The following RTN4 variants were observed in gnomAD, a reference collection of about 807,000 sequenced individuals.
RTN4 encodes reticulon-4.
A neutral mutation model predicts 90.4 loss-of-function variants in RTN4; 32 were observed. That is an observed-to-expected ratio of 0.35 (90% CI 0.27 to 0.48). The LOEUF is 0.48. RTN4 is among the 20% of genes least tolerant of loss of function. RTN4 has a pLI of 0.99. For synonymous variants in RTN4, 629 were observed against 552.5 expected (o/e 1.14, Z -1.94); for missense variants, 1,706 against 1,430.2 (o/e 1.19, Z -3.11).
At position 55,059,303 on chromosome 2, in the gene RTN4, C is replaced by G. The variant is rs571127086; in HGVS notation, c.-63+21186G>C. On this transcript the variant is annotated intron_variant, in intron 2 of 3. Transcript: ENST00000427710. ...CCAAGGACAAAATCTATGATTTAGACTTAATTGTTTTTTTTTTTTAATATA... is the reference window on the plus strand; with the variant it reads ...CCAAGGACAAAATCTATGATTTAGAGTTAATTGTTTTTTTTTTTTAATATA... Among the ~76,000 whole-genome samples, 479 of 49,906 alleles carry G rather than the reference C, an allele frequency of 9.6e-3. 1 individual carries two copies. Among genetic ancestry groups the G allele is most frequent in the Admixed American group, 0.018 (61 of 3,320 alleles). 32.7% of individuals were successfully genotyped at this position (49,906 alleles called of 152,430 possible). A position where few individuals can be genotyped will look rare whatever the true frequency, so the allele number is the denominator to read the frequency against.
At chr2:55,032,556 A>C (rs758669354) in intron 1 of RTN4, among the ~76,000 whole-genome samples, 6 of 152,204 alleles carry the variant, frequency 3.9e-5, no homozygotes, top group Non-Finnish European at 5.9e-5. Context: ...ATGAGCTTAA[A>C]GGCAGATTAG....
At chr2:55,032,580 A>C (rs1448922639) in intron 1 of RTN4, among the ~76,000 whole-genome samples, 2 of 152,224 alleles carry the variant, frequency 1.3e-5, no homozygotes, top group Non-Finnish European at 2.9e-5. Flanking sequence ...ATACAGAAAA[A>C]AAGATTTATT....
intron 1 of RTN4, among the ~76,000 whole-genome samples, chr2:55,092,668 A>G (rs375320270): frequency 5.9e-5 from 9 of 152,290 alleles, no homozygotes; most frequent in African/African-American, 9.6e-5. Flanking sequence ...GCCACACCCA[A>G]TTGTGGCACC....
chr2:55,107,301 G>A (rs1476980395), intron 1 of RTN4, among the ~76,000 whole-genome samples: 2 of 147,650 alleles, frequency 1.4e-5, no homozygotes, highest in African/African-American at 5.0e-5. Flanking sequence ...TTCAGTGATA[G>A]CATTTAAGCA....
At chr2:54,984,744 C>G (rs1310567626) in intron 4 of RTN4, among the ~76,000 whole-genome samples, 1 of 152,182 alleles carries the variant, frequency 6.6e-6, no homozygotes, top group Non-Finnish European at 1.5e-5. Context: ...GAAAAACTGT[C>G]CAACAAGCTT....
chr2:55,106,581 G>T (rs964788221), intron 1 of RTN4, among the ~76,000 whole-genome samples: 1 of 151,946 alleles, frequency 6.6e-6, no homozygotes, highest in Non-Finnish European at 1.5e-5. Context: ...GTGCAGTGGC[G>T]TGATCTCGGC....
At chr2:55,098,214 G>C (rs1006432248) in intron 1 of RTN4, among the ~76,000 whole-genome samples, 4 of 152,102 alleles carry the variant, frequency 2.6e-5, no homozygotes, top group Non-Finnish European at 5.9e-5. Context: ...CACAAAGCTG[G>C]TGTTTAGTAA....
chr2:55,042,129 C>A (rs1355938178), intron 1 of RTN4, among the ~76,000 whole-genome samples: 2 of 152,000 alleles, frequency 1.3e-5, no homozygotes, highest in Non-Finnish European at 2.9e-5. Context: ...TGTATTAGTT[C>A]ACTAATATAC....
intron 2 of RTN4, among the ~76,000 whole-genome samples, chr2:55,064,212 A>AT (rs971344313): frequency 6.6e-6 from 1 of 151,474 alleles, no homozygotes; most frequent in African/African-American, 2.4e-5. Flanking sequence ...CTTAAAAAAA[A>AT]AAAAAGAAAG....
At chr2:55,039,317 T>C (rs535364225) in intron 1 of RTN4, among the ~76,000 whole-genome samples, 1 of 152,312 alleles carries the variant, frequency 6.6e-6, no homozygotes, top group South Asian at 2.1e-4. Context: ...ATGGGCATTC[T>C]TCAACAAATA....
chr2:54,988,689 G>A (rs2580771), intron 3 of RTN4, among the ~76,000 whole-genome samples: 130,131 of 152,208 alleles, frequency 0.85, 56,055 homozygotes, highest in African/African-American at 0.97. Context: ...AGAGTTGATA[G>A]ATATAATGCC....
chr2:55,084,198 G>C (rs1274801870), intron 1 of RTN4, among the ~76,000 whole-genome samples: 1 of 152,106 alleles, frequency 6.6e-6, no homozygotes, highest in African/African-American at 2.4e-5. Flanking sequence ...TGAAATCATG[G>C]AAGGTGGCAT....
Position 55,025,793 on chromosome 2 carries a change from T to C in RTN4, c.2306A>G (p.Glu769Gly). ...KQDETVMLVK[E>G]SLTETSFESM... ...CTCAAATGAAGTCTCAGTGAGACTT[T>C]CTTTCACAAGCATCACAGTTTCATC... The change falls in exon 3 of 9, where the codon GAA becomes GGA. Residue 769 changes from glutamate to glycine, a missense_variant. Coordinates refer to ENST00000337526, the MANE Select transcript of RTN4 (RefSeq NM_020532.5). 1 of 1,613,630 alleles carries C rather than the reference T, an allele frequency of 6.2e-7. No individual in the cohort carries two copies. Among genetic ancestry groups the C allele is most frequent in the South Asian group, 1.1e-5 (1 of 91,034 alleles).
intron 2 of RTN4, among the ~76,000 whole-genome samples, chr2:55,063,675 G>A (rs1417306304): frequency 6.6e-6 from 1 of 151,312 alleles, no homozygotes; most frequent in Non-Finnish European, 1.5e-5. Context: ...GAGGTCAGCA[G>A]TTCCCGACCA....
chr2:54,994,847 T>G (rs781520979), intron 3 of RTN4, among the ~76,000 whole-genome samples: 1 of 152,198 alleles, frequency 6.6e-6, no homozygotes, highest in African/African-American at 2.4e-5. Context: ...AACTGCAACT[T>G]TAAGTGAAAT....
At chr2:54,973,696 G>T in intron 7 of RTN4, 75 bp from the exon 8 acceptor site, 4 of 1,501,104 alleles carry the variant, frequency 2.7e-6, no homozygotes, top group Middle Eastern at 3.5e-4. Context: ...TCAAGCTAAA[G>T]GCTTAAGAAA....
chr2:55,057,505 T>C (rs1668210356), intron 2 of RTN4, among the ~76,000 whole-genome samples: 1 of 152,196 alleles, frequency 6.6e-6, no homozygotes, highest in African/African-American at 2.4e-5. Context: ...ATTATTATTA[T>C]TGCTACTATT....
intron 3 of RTN4, among the ~76,000 whole-genome samples, chr2:54,997,519 A>C (rs1181779028): frequency 6.6e-6 from 1 of 152,202 alleles, no homozygotes; most frequent in Non-Finnish European, 1.5e-5. Flanking sequence ...TCACCCAAGA[A>C]ACTAGAAAAC....
chr2:55,133,506 T>C, the RTN4 span, among the ~76,000 whole-genome samples: 1 of 152,184 alleles, frequency 6.6e-6, no homozygotes, highest in Non-Finnish European at 1.5e-5. Context: ...ACCTCCTCCT[T>C]ATGCAGGATA....
Sources: allele counts gnomAD v4.1 joint callset (sites outside exome capture counted in the v4.1 genomes callset), GRCh38; gene constraint gnomAD v4.1.1; transcripts MANE v1.5; gene names NCBI Gene and HGNC (gene_info 2026-07-23, HGNC 2026-07-21).